ESRRG: variants seen among roughly 807,000 people sequenced by gnomAD.
ESRRG encodes estrogen-related receptor gamma.
Under a neutral mutation model 44.0 loss-of-function variants are expected in ESRRG, and 13 were observed. That is an observed-to-expected ratio of 0.30 (90% confidence interval 0.19 to 0.47). The LOEUF is 0.47. Among genes scored for constraint, ESRRG ranks in the 20% least tolerant of loss-of-function variants. The pLI is 1.00. For synonymous variants in ESRRG, 215 were observed against 214.6 expected (o/e 1.00, Z -0.02); for missense variants, 395 against 580.6 (o/e 0.68, Z 3.29).
At chr1:216,515,521 G>T (rs1168926841) in intron 6 of ESRRG, among the ~76,000 whole-genome samples, 4 of 151,932 alleles carry the variant, frequency 2.6e-5, no homozygotes, top group African/African-American at 7.3e-5. Flanking sequence ...ATAACCATTT[G>T]TCCTTAAGAA....
intron 2 of ESRRG, among the ~76,000 whole-genome samples, chr1:216,883,276 T>C (rs1317539791): frequency 1.3e-5 from 2 of 150,416 alleles, no homozygotes; most frequent in Non-Finnish European, 3.0e-5. Flanking sequence ...TTCCAGCTAG[T>C]TGGGAGGCAG....
chr1:216,633,543 G>C (rs892208617), intron 3 of ESRRG, among the ~76,000 whole-genome samples: 1 of 152,206 alleles, frequency 6.6e-6, no homozygotes, highest in Non-Finnish European at 1.5e-5. Flanking sequence ...CAGCACATAA[G>C]TGAAAGGAAA....
chr1:217,038,511 C>G (rs993362199), intron 1 of ESRRG, among the ~76,000 whole-genome samples: 6 of 152,192 alleles, frequency 3.9e-5, no homozygotes, highest in Non-Finnish European at 7.3e-5. Flanking sequence ...CCTCATGGAA[C>G]CTGCCAAGGT....
At chr1:216,927,199 A>G (rs1031238552) in intron 2 of ESRRG, among the ~76,000 whole-genome samples, 2 of 152,180 alleles carry the variant, frequency 1.3e-5, no homozygotes, top group African/African-American at 4.8e-5. Context: ...AATAGTGTAT[A>G]TACACTCTTC....
At chr1:217,006,481 T>A (rs1485358012) in intron 1 of ESRRG, among the ~76,000 whole-genome samples, 1 of 152,112 alleles carries the variant, frequency 6.6e-6, no homozygotes, top group African/African-American at 2.4e-5. Flanking sequence ...GCACTACAGT[T>A]ACGTTGGAAC....
At chr1:216,730,413 G>A (rs1363059472) in intron 2 of ESRRG, among the ~76,000 whole-genome samples, 2 of 151,852 alleles carry the variant, frequency 1.3e-5, no homozygotes, top group African/African-American at 2.4e-5. Context: ...CTTCTCCCCA[G>A]CTAATTATTG....
At chr1:216,830,223 C>T (rs575995416) in intron 2 of ESRRG, among the ~76,000 whole-genome samples, 5 of 152,154 alleles carry the variant, frequency 3.3e-5, no homozygotes, top group South Asian at 4.1e-4. Flanking sequence ...GCCTCCACAT[C>T]GGTGACAAAT....
intron 2 of ESRRG, among the ~76,000 whole-genome samples, chr1:216,756,927 A>C (rs1197073924): frequency 6.6e-5 from 10 of 151,964 alleles, no homozygotes; most frequent in Admixed American, 2.0e-4. Context: ...AAATAGGCCC[A>C]TATCTCATAA....
chr1:216,841,709 A>G (rs1313575719), intron 2 of ESRRG, among the ~76,000 whole-genome samples: 1 of 152,154 alleles, frequency 6.6e-6, no homozygotes, highest in Non-Finnish European at 1.5e-5. Flanking sequence ...GGCCAGATGT[A>G]GCCTGTAGTT....
intron 1 of ESRRG, among the ~76,000 whole-genome samples, chr1:217,133,629 CTT>C (rs779586207): frequency 0.26 from 19,297 of 75,286 alleles, 1,414 homozygotes; most frequent in South Asian, 0.38. Flanking sequence ...TTCTTTCTTT[CTT>C]TCTCTCTCTC....
At chr1:216,718,889 T>G (rs2085519464) in intron 1 of ESRRG, among the ~76,000 whole-genome samples, 1 of 152,040 alleles carries the variant, frequency 6.6e-6, no homozygotes. Flanking sequence ...TCTCCTCTTA[T>G]TTCTAAAAGC....
At chr1:217,119,051 A>ATAGAT (rs377704100) in intron 1 of ESRRG, among the ~76,000 whole-genome samples, 57 of 141,832 alleles carry the variant, frequency 4.0e-4, no homozygotes, top group African/African-American at 2.2e-4. Context: ...AGATAGATAG[A>ATAGAT]GACACAGATA....
intron 1 of ESRRG, among the ~76,000 whole-genome samples, chr1:217,015,951 G>C (rs190520694): frequency 2.0e-5 from 3 of 152,014 alleles, no homozygotes; most frequent in Admixed American, 6.6e-5. Flanking sequence ...GGCTGGCTTC[G>C]AACTGCTGAC....
chr1:216,671,731 A>T (rs1011404222), intron 2 of ESRRG, among the ~76,000 whole-genome samples: 1 of 152,160 alleles, frequency 6.6e-6, no homozygotes, highest in African/African-American at 2.4e-5. Flanking sequence ...TTAAATATAC[A>T]ATTTCCCACC....
chr1:216,590,952 TACAA>T (rs998159770), intron 3 of ESRRG, among the ~76,000 whole-genome samples: 15 of 152,334 alleles, frequency 9.8e-5, no homozygotes, highest in African/African-American at 3.4e-4. Flanking sequence ...GTTCCATTTA[TACAA>T]ACAAACAACA....
chr1:217,033,904 T>C (rs116746358), intron 1 of ESRRG, among the ~76,000 whole-genome samples: 2,939 of 152,310 alleles, frequency 0.019, 43 homozygotes, highest in Middle Eastern at 0.071. Flanking sequence ...TTAAATACGT[T>C]CGTTAAAGCT....
intron 2 of ESRRG, among the ~76,000 whole-genome samples, chr1:216,917,604 G>A (rs555357248): frequency 3.3e-5 from 5 of 152,240 alleles, no homozygotes; most frequent in South Asian, 4.1e-4. Flanking sequence ...AGAAATTTGT[G>A]AGTCCCTTCC....
chr1:217,017,946 T>C (rs2079669947), intron 1 of ESRRG, among the ~76,000 whole-genome samples: 1 of 152,160 alleles, frequency 6.6e-6, no homozygotes, highest in Admixed American at 6.5e-5. Context: ...AACAAAAGAA[T>C]ATAAATTGCC....
At chr1:216,681,749 T>C (rs1339136756) in intron 1 of ESRRG, 1 of 145,382 alleles carries the variant, frequency 6.9e-6, no homozygotes, top group Non-Finnish European at 1.5e-5. Context: ...ATTAATGGTG[T>C]GTATATGTGT....
Sources: allele counts gnomAD v4.1 joint callset (sites outside exome capture counted in the v4.1 genomes callset), GRCh38; gene constraint gnomAD v4.1.1; transcripts MANE v1.5; gene names NCBI Gene and HGNC (gene_info 2026-07-23, HGNC 2026-07-21).